PIK3R1: variants seen among roughly 807,000 people sequenced by gnomAD.
PIK3R1 encodes phosphatidylinositol 3-kinase regulatory subunit alpha.
Under a neutral mutation model 98.0 loss-of-function variants are expected in PIK3R1, and 29 were observed. That is an observed-to-expected ratio of 0.30 (90% CI 0.22 to 0.40). The LOEUF (loss-of-function observed/expected upper bound fraction) is 0.40. PIK3R1 is among the 10% of genes least tolerant of loss of function. The pLI, the probability that PIK3R1 is intolerant of heterozygous loss-of-function variation, is 1.00. For missense variants in PIK3R1, 596 were observed against 872.7 expected (o/e 0.68, Z 3.99); for synonymous variants, 282 against 311.8 (o/e 0.90, Z 1.01).
chr5:68,239,242 A>G (rs1459000185), intron 2 of PIK3R1, among the ~76,000 whole-genome samples: 1 of 152,216 alleles, frequency 6.6e-6, no homozygotes, highest in Non-Finnish European at 1.5e-5. Context: ...AGTAATTATC[A>G]AAATAATAAA....
At chr5:68,235,905 C>G (rs1418302551) in intron 2 of PIK3R1, among the ~76,000 whole-genome samples, 1 of 146,846 alleles carries the variant, frequency 6.8e-6, no homozygotes, top group African/African-American at 2.5e-5. Flanking sequence ...GAATCTTGCT[C>G]TGTTGCCCAG....
rs753334025 is a variant in PIK3R1 at position 68,293,717 on chromosome 5, T to C, written c.1308T>C (p.Val436=). Residue 436 remains valine (V), a synonymous_variant, in exon 11 of 16, where the codon GTT becomes GTC. Coordinates refer to ENST00000521381, the MANE Select transcript of PIK3R1 (RefSeq NM_181523.3). The part of the protein sequence containing the change: ...YPVSKYQQDQ[V]VKEDNIEAVG... ...TATTTTAATCTTTCTAGGATCAAGT[T>C]GTCAAAGAAGATAATATTGAAGCTG... 4.8e-6 allele frequency: 7 copies of C among 1,455,662 alleles called. No individual in the cohort carries two copies. Among genetic ancestry groups the C allele is most frequent in the Non-Finnish European group, 6.6e-6 (7 of 1,055,540 alleles). The allele number at this position is 1,455,662 out of a possible 1,614,324, so 90.2% of individuals were successfully genotyped here.
intron 7 of PIK3R1, chr5:68,290,818 A>G: frequency 6.2e-7 from 1 of 1,610,876 alleles, no homozygotes; most frequent in South Asian, 1.1e-5. Flanking sequence ...TGTTTTATAT[A>G]GAAATGGACC....
chr5:68,239,834 T>G (rs1744805896), intron 2 of PIK3R1: 1 of 505,400 alleles, frequency 2.0e-6, no homozygotes, highest in Admixed American at 2.3e-5. Context: ...AGATTTTTCC[T>G]CTCAGGAAAC....
At chr5:68,259,673 T>C (rs918275510) in intron 2 of PIK3R1, among the ~76,000 whole-genome samples, 3 of 152,224 alleles carry the variant, frequency 2.0e-5, no homozygotes, top group Non-Finnish European at 2.9e-5. Flanking sequence ...TCTTGGACTC[T>C]CTACTTTCCA....
chr5:68,272,273 AAAAGG>A (rs1746396475), intron 2 of PIK3R1, among the ~76,000 whole-genome samples: 1 of 151,858 alleles, frequency 6.6e-6, no homozygotes, highest in Non-Finnish European at 1.5e-5. Context: ...AAAAAAAAGA[AAAAGG>A]AAATTTGTTT....
intron 4 of PIK3R1, among the ~76,000 whole-genome samples, chr5:68,278,758 G>A (rs571747451): frequency 0.013 from 1,963 of 152,170 alleles, 46 homozygotes; most frequent in African/African-American, 0.044. Flanking sequence ...TGACCAACAT[G>A]ATGAAACCCT....
At position 68,262,386 on chromosome 5, in the gene PIK3R1, T is replaced by TTATATA. The variant is rs1554047786; in HGVS notation, c.335-10991_335-10986dup. On this transcript the variant is annotated intron_variant, in intron 2 of 15. Coordinates refer to ENST00000521381, the MANE Select transcript of PIK3R1 (RefSeq NM_181523.3). ...ATGACCAGGCTTCTTTCTATAATTT[T>TTATATA]TATATATATATATATATACACACAC... Among the ~76,000 whole-genome samples, 923 of 138,494 alleles carry TTATATA rather than the reference T, an allele frequency of 6.7e-3. 23 individuals carry two copies. In the East Asian group the frequency reaches 0.079, roughly 12 times the overall value. 90.9% of individuals were successfully genotyped at this position (138,494 alleles called of 152,430 possible). A position where few individuals can be genotyped will look rare whatever the true frequency, so the allele number is the denominator to read the frequency against.
intron 2 of PIK3R1, among the ~76,000 whole-genome samples, chr5:68,254,738 A>C (rs1745444489): frequency 6.6e-6 from 1 of 152,230 alleles, no homozygotes; most frequent in Non-Finnish European, 1.5e-5. Context: ...GGAAATGCTT[A>C]GTTATGGTTC....
chr5:68,290,956 T>G, intron 7 of PIK3R1: 1 of 667,130 alleles, frequency 1.5e-6, no homozygotes, highest in Non-Finnish European at 2.5e-6. Context: ...TTGATAAAAA[T>G]TAGTTTGCTC....
In PIK3R1 at chr5:68,263,209, ATATATT is replaced by A. The variant is rs1334691236; in HGVS notation, c.335-10179_335-10174del. Reference sequence around the variant, plus strand: ...CATATATCTACATATATATCTATATATATATTTCTACATATATATCTATATATGTAG... The same window carrying A: ...CATATATCTACATATATATCTATATATCTACATATATATCTATATATGTAG... On this transcript the variant is annotated intron_variant, in intron 2 of 15. Transcript: ENST00000521381. Among the ~76,000 whole-genome samples, 633 of 131,314 alleles carry A rather than the reference ATATATT, an allele frequency of 4.8e-3. 10 individuals are homozygous for A. Among genetic ancestry groups the A allele is most frequent in the African/African-American group, 0.018 (612 of 33,286 alleles). 86.1% of individuals were successfully genotyped at this position (131,314 alleles called of 152,430 possible).
chr5:68,298,026 G>T lies in PIK3R1; in HGVS notation c.*425G>T, dbSNP rs1747829581. 1 of 234,582 alleles carries T rather than the reference G, an allele frequency of 4.3e-6. No homozygotes were observed. Among genetic ancestry groups the T allele is most frequent in the Non-Finnish European group, 8.4e-6 (1 of 118,984 alleles). 14.5% of individuals were successfully genotyped at this position (234,582 alleles called of 1,614,324 possible). On this transcript the variant is annotated 3_prime_UTR_variant, in exon 16 of 16. Transcript: ENST00000521381. ...AGGCAGAAGAACCCTGGCCTGAGAA[G>T]GTTTGGTCCAGCCTGGTTTAGCCTG...
chr5:68,262,897 A>G (rs1251492913), intron 2 of PIK3R1, among the ~76,000 whole-genome samples: 1 of 112,356 alleles, frequency 8.9e-6, no homozygotes, highest in East Asian at 2.8e-4. Context: ...ACATGTATAC[A>G]TATATACATG....
At position 68,251,803 on chromosome 5, in the gene PIK3R1, T is replaced by C. The variant is rs186636391; in HGVS notation, c.335-21587T>C. ...AAAGGAAATCACACAGTTGACTGCA[T>C]TATGAGAGGGAAAGGAGCAAACTCT... On this transcript the variant is annotated intron_variant, in intron 2 of 15. Coordinates refer to ENST00000521381, the MANE Select transcript of PIK3R1 (RefSeq NM_181523.3). Among the ~76,000 whole-genome samples the C allele has an allele frequency of 1.0e-3, 154 of 152,300 alleles. 2 individuals carry two copies. Among genetic ancestry groups the C allele is most frequent in the African/African-American group, 3.7e-3 (152 of 41,562 alleles).
rs1453609005 is a variant in PIK3R1, at chr5:68,299,272, T to G, written c.*1671T>G. The G allele has an allele frequency of 1.7e-5, 4 of 233,400 alleles. No individual in the cohort carries two copies. 14.5% of individuals were successfully genotyped at this position (233,400 alleles called of 1,614,324 possible). On this transcript the variant is annotated 3_prime_UTR_variant, in exon 16 of 16. Coordinates refer to ENST00000521381, the MANE Select transcript of PIK3R1 (RefSeq NM_181523.3). ...AAAAATACTTTTGGTGGTATGTTGG[T>G]TACCCTCCTAGCTTTCCATTTGGTT...
intron 2 of PIK3R1, among the ~76,000 whole-genome samples, chr5:68,241,626 G>A (rs950438951): frequency 6.6e-6 from 1 of 152,174 alleles, no homozygotes; most frequent in Admixed American, 6.5e-5. Context: ...AGTGCTATTT[G>A]CAGGTTGAGG....
intron 2 of PIK3R1, among the ~76,000 whole-genome samples, chr5:68,249,698 T>TTAAA (rs903122645): frequency 6.6e-6 from 1 of 152,202 alleles, no homozygotes; most frequent in Non-Finnish European, 1.5e-5. Context: ...AAAGCTGCAT[T>TTAAA]TAAATAGGTG....
At chr5:68,282,098 A>G (rs901057368) in intron 7 of PIK3R1, among the ~76,000 whole-genome samples, 1 of 152,192 alleles carries the variant, frequency 6.6e-6, no homozygotes, top group African/African-American at 2.4e-5. Flanking sequence ...TATAGTAGAT[A>G]AGGCAAGCAT....
chr5:68,256,634 G>T (rs1745528295), intron 2 of PIK3R1, among the ~76,000 whole-genome samples: 1 of 152,126 alleles, frequency 6.6e-6, no homozygotes, highest in Non-Finnish European at 1.5e-5. Flanking sequence ...CCAACAGTAT[G>T]CATACATGGG....
Sources: gnomAD v4.1 joint callset for allele counts (sites outside exome capture counted in the v4.1 genomes callset) on GRCh38, gnomAD v4.1.1 for gene constraint, MANE v1.5 for transcripts, NCBI Gene and HGNC (gene_info 2026-07-23, HGNC 2026-07-21) for gene names.